NRIP1: variants seen among roughly 807,000 people sequenced by gnomAD.
The protein encoded by NRIP1 is nuclear receptor interacting protein 1.
Under a neutral mutation model 75.0 loss-of-function variants are expected in NRIP1, and 28 were observed. The ratio of observed to expected loss-of-function variants is 0.37; its 90% confidence interval spans 0.28 to 0.51. NRIP1 has a LOEUF of 0.51. Ranked by LOEUF, NRIP1 falls within the 20% of genes least tolerant of loss-of-function variation. NRIP1 has a pLI of 0.92. For missense variants in NRIP1, 1,435 were observed against 1,343.7 expected (o/e 1.07, Z -1.06); for synonymous variants, 526 against 487.6 (o/e 1.08, Z -1.04).
At chr21:14,978,843 G>T (rs1220949178) in intron 3 of NRIP1, among the ~76,000 whole-genome samples, 1 of 152,102 alleles carries the variant, frequency 6.6e-6, no homozygotes, top group Non-Finnish European at 1.5e-5. Flanking sequence ...AAAAATCAAA[G>T]ATCTAGACAA....
chr21:15,051,145 CAT>C (rs1001759315), intron 1 of NRIP1: 22 of 339,338 alleles, frequency 6.5e-5, no homozygotes, highest in Non-Finnish European at 1.0e-4. Flanking sequence ...GGGGCTTTCT[CAT>C]GTGGCCCTGA....
chr21:15,004,646 C>T (rs1261180715), intron 3 of NRIP1, among the ~76,000 whole-genome samples: 4 of 152,200 alleles, frequency 2.6e-5, no homozygotes, highest in Non-Finnish European at 5.9e-5. Flanking sequence ...TTTCATTGTG[C>T]CTTAAAATGT....
chr21:14,968,159 GC>G lies in NRIP1; in HGVS notation c.33del (p.His12ThrfsTer7). ...TAAGTTAAAACAATAGAATCCTGGT[GC>G]ACATCAGAGCCAAGCTCTTCTCCAT... MTHGEELGSD[V>X]HQDSIVLTYL... On this transcript the variant is annotated frameshift_variant, in exon 4 of 4. Transcript: ENST00000318948. LOFTEE classifies it high-confidence loss of function. The G allele has an allele frequency of 6.2e-7, 1 of 1,612,920 alleles. No homozygotes were observed. The highest frequency in any genetic ancestry group is 1.3e-5 in the African/African-American group (1 of 74,984).
In NRIP1 at chr21:15,013,489, T is replaced by C. The variant is rs577191527; in HGVS notation, c.-335+855A>G. Among the ~76,000 whole-genome samples, 20 of 152,310 alleles carry C rather than the reference T, an allele frequency of 1.3e-4. No individual in the cohort carries two copies. In the South Asian group the frequency reaches 2.9e-3, roughly 22 times the overall value. On this transcript the variant is annotated intron_variant, in intron 3 of 3. Transcript: ENST00000318948. ...GCATGCTGTATCTGCTCTCTCTCTT[T>C]GACCAGAGTTTTTCAGTTAGCTAGA...
rs1422070057 is a variant in NRIP1, at chr21:14,963,518, T to G, written c.*1198A>C. On this transcript the variant is annotated 3_prime_UTR_variant, in exon 4 of 4. Coordinates refer to ENST00000318948, the MANE Select transcript of NRIP1 (RefSeq NM_003489.4). Reference sequence around the variant, plus strand: ...AATATATGAACTACAATATTGCAAATTTTGAGCTGATGTGTGACTGTATTG... The same window carrying G: ...AATATATGAACTACAATATTGCAAAGTTTGAGCTGATGTGTGACTGTATTG... 1 of 152,484 alleles carries G rather than the reference T, an allele frequency of 6.6e-6. No individual in the cohort carries two copies. The highest frequency in any genetic ancestry group is 1.5e-5 in the Non-Finnish European group (1 of 67,984). 9.4% of individuals were successfully genotyped at this position (152,484 alleles called of 1,614,324 possible).
At chr21:15,007,395 T>A (rs916758090) in intron 3 of NRIP1, among the ~76,000 whole-genome samples, 1 of 152,184 alleles carries the variant, frequency 6.6e-6, no homozygotes. Context: ...TGCTATAAGA[T>A]AGGGTGTTAT....
chr21:15,030,654 T>G (rs1335756322), intron 2 of NRIP1, among the ~76,000 whole-genome samples: 1 of 152,230 alleles, frequency 6.6e-6, no homozygotes, highest in African/African-American at 2.4e-5. Context: ...AATGACTACA[T>G]ATTTAACAAT....
rs774319229 is a variant in NRIP1 at position 14,966,389 on chromosome 21, G to C, written c.1804C>G (p.Leu602Val). The change falls in exon 4 of 4, where the codon CTT (leucine) becomes GTT (valine). Residue 602 changes from leucine to valine, a missense_variant. Physicochemically the swap from Leu to Val is conservative, Grantham distance 32. Transcript: ENST00000318948. Reference protein sequence around the residue: ...TNTASNHSMDLTKSKDPPGEK... With the variant: ...TNTASNHSMDVTKSKDPPGEK... ...CCTGGTGGGTCTTTGCTTTTTGTAA[G>C]GTCCATTGAGTGGTTAGATGCAGTA... is the stretch of plus-strand genomic sequence containing the variant. The C allele has an allele frequency of 6.8e-6, 11 of 1,613,914 alleles. No individual in the cohort carries two copies. The South Asian group carries it at 1.2e-4, about 18-fold the overall frequency.
rs1258318050 is a variant in NRIP1 at position 14,963,242 on chromosome 21, TTAG to T, written c.*1471_*1473del. 1 of 152,504 alleles carries T rather than the reference TTAG, an allele frequency of 6.6e-6. No individual in the cohort carries two copies. Among genetic ancestry groups the T allele is most frequent in the Non-Finnish European group, 1.5e-5 (1 of 67,956 alleles). The allele number at this position is 152,504 out of a possible 1,614,324, so 9.4% of individuals were successfully genotyped here. ...GTTGTAAGCTTTGTTGGCATTGTTC[TTAG>T]GACAATGGTTTTAATAAAGGTTAAG... is the stretch of plus-strand genomic sequence containing the variant. On this transcript the variant is annotated 3_prime_UTR_variant, in exon 4 of 4. Transcript: ENST00000318948.
chr21:14,990,215 C>T (rs1410144830), intron 3 of NRIP1, among the ~76,000 whole-genome samples: 1 of 152,170 alleles, frequency 6.6e-6, no homozygotes, highest in East Asian at 1.9e-4. Flanking sequence ...CTCCCTCCAC[C>T]CCTCCTCTTA....
intron 2 of NRIP1, among the ~76,000 whole-genome samples, chr21:15,028,992 G>C (rs1310634894): frequency 6.6e-6 from 1 of 151,788 alleles, no homozygotes; most frequent in Non-Finnish European, 1.5e-5. Context: ...TGCCATCCGA[G>C]ATGCCTCTCT....
At chr21:15,045,877 T>G (rs886080598) in intron 1 of NRIP1, among the ~76,000 whole-genome samples, 2 of 152,242 alleles carry the variant, frequency 1.3e-5, no homozygotes, top group Non-Finnish European at 1.5e-5. Flanking sequence ...CTTTCTTTGC[T>G]CATCTATAAG....
intron 3 of NRIP1, among the ~76,000 whole-genome samples, chr21:14,984,630 T>C (rs1393599971): frequency 5.9e-5 from 9 of 152,208 alleles, no homozygotes; most frequent in Non-Finnish European, 1.3e-4. Flanking sequence ...GATTGACTCT[T>C]TTTGAAAGAA....
chr21:15,006,312 G>A (rs1437935006), intron 3 of NRIP1, among the ~76,000 whole-genome samples: 1 of 152,152 alleles, frequency 6.6e-6, no homozygotes, highest in Non-Finnish European at 1.5e-5. Context: ...AAGTATTAAT[G>A]CCAGTAGAGG....
At chr21:15,064,323 G>A (rs1412611459) in intron 1 of NRIP1, among the ~76,000 whole-genome samples, 4 of 152,210 alleles carry the variant, frequency 2.6e-5, no homozygotes, top group African/African-American at 9.6e-5. Flanking sequence ...GCACCCAGGC[G>A]AAAGGCGCCG....
intron 1 of NRIP1, among the ~76,000 whole-genome samples, chr21:15,045,663 T>C (rs553009028): frequency 2.3e-4 from 35 of 152,352 alleles, no homozygotes; most frequent in Middle Eastern, 3.4e-3. Flanking sequence ...ATTCTTCCTT[T>C]CACAGAATAA....
At chr21:15,037,020 A>T (rs2088850215) in intron 2 of NRIP1, among the ~76,000 whole-genome samples, 1 of 152,204 alleles carries the variant, frequency 6.6e-6, no homozygotes, top group South Asian at 2.1e-4. Context: ...ATAGTAACTT[A>T]TAAGGAAATA....
At chr21:14,984,926 T>C (rs546761942) in intron 3 of NRIP1, among the ~76,000 whole-genome samples, 1 of 152,356 alleles carries the variant, frequency 6.6e-6, no homozygotes, top group Admixed American at 6.5e-5. Flanking sequence ...ACATTATTTT[T>C]AGACATAATG....
chr21:14,998,439 C>T lies in NRIP1; in HGVS notation c.-335+15905G>A, dbSNP rs58699593. Among the ~76,000 whole-genome samples, 2,538 of 152,294 alleles carry T rather than the reference C, an allele frequency of 0.017. 228 individuals carry two copies. The East Asian group carries it at 0.27, about 16-fold the overall frequency. ...TTGCCCCTTGGTGGTCCCCACATGG[C>T]AAGAGACTCAATTGGCTGCCTTCCT... is the stretch of plus-strand genomic sequence containing the variant. On this transcript the variant is annotated intron_variant, in intron 3 of 3. Coordinates refer to ENST00000318948, the MANE Select transcript of NRIP1 (RefSeq NM_003489.4).
Sources: gnomAD v4.1 joint callset for allele counts (sites outside exome capture counted in the v4.1 genomes callset) on GRCh38, gnomAD v4.1.1 for gene constraint, MANE v1.5 for transcripts, NCBI Gene and HGNC (gene_info 2026-07-23, HGNC 2026-07-21) for gene names.